Variants in OPCML observed in about 807,000 individuals in gnomAD.
The protein encoded by OPCML is opioid binding protein/cell adhesion molecule like, also known as opioid-binding protein/cell adhesion molecule.
OPCML carries 13 observed loss-of-function variants against 37.8 expected under a neutral mutation model. That is an observed-to-expected ratio of 0.34 (90% CI 0.22 to 0.55). OPCML has a LOEUF of 0.55. Ranked by LOEUF, OPCML falls within the 20% of genes least tolerant of loss-of-function variation. The probability of loss-of-function intolerance (pLI) is 0.91; values close to 1 mark genes in which losing one functional copy is unlikely to be tolerated. For synonymous variants in OPCML, 176 were observed against 168.8 expected, an observed-to-expected ratio of 1.04 and a Z score of -0.33; for missense variants, 341 against 435.6, an observed-to-expected ratio of 0.78 and a Z score of 1.93.
intron 2 of OPCML, among the ~76,000 whole-genome samples, chr11:132,938,255 G>A (rs1165643916): frequency 6.6e-6 from 1 of 152,016 alleles, no homozygotes; most frequent in Non-Finnish European, 1.5e-5. Context: ...AGCTCCAGGA[G>A]CCCCCAGACT....
chr11:132,981,012 G>A (rs536758457), intron 1 of OPCML, among the ~76,000 whole-genome samples: 5 of 152,286 alleles, frequency 3.3e-5, no homozygotes, highest in Admixed American at 6.5e-5. Context: ...ACTGAATACT[G>A]CAGGCAGGTG....
chr11:132,736,447 T>C (rs1029507682), intron 2 of OPCML, among the ~76,000 whole-genome samples: 1 of 152,220 alleles, frequency 6.6e-6, no homozygotes, highest in Non-Finnish European at 1.5e-5. Context: ...GAGGGTGAAC[T>C]GTGATGGCCA....
At chr11:132,500,320 G>A (rs2096242861) in intron 4 of OPCML, among the ~76,000 whole-genome samples, 2 of 152,178 alleles carry the variant, frequency 1.3e-5, no homozygotes, top group African/African-American at 4.8e-5. Context: ...GGTGGGACAT[G>A]AAATATATAA....
rs1274788251 is a variant in OPCML, at chr11:133,410,759, A to C, written c.61+121505T>G. ...TCTCCAAAATGGGCTTTAAAGAAAT[A>C]TATTTAAAATAAACCTCTAAAGCAG... On this transcript the variant is annotated intron_variant, in intron 1 of 7. Coordinates refer to ENST00000524381, the MANE Select transcript of OPCML (RefSeq NM_001012393.5). Among the ~76,000 whole-genome samples the C allele has an allele frequency of 4.6e-5, 7 of 151,566 alleles. No homozygotes were observed. In the South Asian group the frequency reaches 1.5e-3, roughly 32 times the overall value.
intron 3 of OPCML, among the ~76,000 whole-genome samples, chr11:132,605,893 A>C (rs372555230): frequency 1.3e-5 from 2 of 152,214 alleles, no homozygotes; most frequent in Non-Finnish European, 2.9e-5. Flanking sequence ...TGAGAAGAGC[A>C]AAGTCCATGG....
At chr11:132,711,307 G>A (rs1018952938) in intron 2 of OPCML, among the ~76,000 whole-genome samples, 3 of 152,126 alleles carry the variant, frequency 2.0e-5, no homozygotes, top group African/African-American at 7.2e-5. Flanking sequence ...TTGGCAAATG[G>A]AAAAAATGGA....
chr11:133,310,434 A>T (rs575953174), intron 1 of OPCML, among the ~76,000 whole-genome samples: 1 of 152,318 alleles, frequency 6.6e-6, no homozygotes, highest in Admixed American at 6.5e-5. Flanking sequence ...TTAGTTTAAA[A>T]ATCTAGGTAA....
At chr11:132,692,815 A>T (rs569238967) in intron 2 of OPCML, among the ~76,000 whole-genome samples, 1 of 152,354 alleles carries the variant, frequency 6.6e-6, no homozygotes, top group East Asian at 1.9e-4. Context: ...ATGCCAAAAT[A>T]AAAATTAAAA....
intron 4 of OPCML, among the ~76,000 whole-genome samples, chr11:132,481,949 T>A (rs2137021663): frequency 6.8e-6 from 1 of 147,542 alleles, no homozygotes; most frequent in African/African-American, 2.5e-5. Flanking sequence ...TAGCACTAAA[T>A]GCCCACAAGA....
chr11:132,888,622 G>A (rs149552315), intron 2 of OPCML, among the ~76,000 whole-genome samples: 131 of 152,206 alleles, frequency 8.6e-4, no homozygotes, highest in Non-Finnish European at 2.4e-4. Flanking sequence ...AAAGTTGTCT[G>A]TATTGTTCGT....
intron 1 of OPCML, among the ~76,000 whole-genome samples, chr11:133,055,601 C>A (rs973427474): frequency 2.1e-5 from 3 of 143,892 alleles, no homozygotes; most frequent in African/African-American, 7.8e-5. Flanking sequence ...CCGCCTCTAC[C>A]GTACAATGCT....
intron 2 of OPCML, among the ~76,000 whole-genome samples, chr11:132,728,514 A>G (rs968996725): frequency 6.6e-6 from 1 of 152,150 alleles, no homozygotes; most frequent in Non-Finnish European, 1.5e-5. Context: ...AATTGCTACT[A>G]ATTACTTTTC....
intron 7 of OPCML, 66 bp from the exon 8 acceptor site, chr11:132,420,359 C>T (rs536042001): frequency 7.6e-5 from 120 of 1,585,764 alleles, no homozygotes; most frequent in Non-Finnish European, 4.5e-5. Flanking sequence ...TCTTCCCTGA[C>T]AAGCAAATAC....
At chr11:132,862,166 AT>A (rs1942333576) in intron 2 of OPCML, among the ~76,000 whole-genome samples, 1 of 152,204 alleles carries the variant, frequency 6.6e-6, no homozygotes, top group Non-Finnish European at 1.5e-5. Context: ...GAAGAAAAAA[AT>A]ACCATGTATT....
At chr11:133,153,048 A>T (rs1203357372) in intron 1 of OPCML, among the ~76,000 whole-genome samples, 1 of 152,060 alleles carries the variant, frequency 6.6e-6, no homozygotes, top group Non-Finnish European at 1.5e-5. Context: ...TGCAGCCTGG[A>T]CCCTGGAAGG....
chr11:132,787,239 G>T (rs1429095155), intron 2 of OPCML, among the ~76,000 whole-genome samples: 1 of 152,240 alleles, frequency 6.6e-6, no homozygotes, highest in South Asian at 2.1e-4. Flanking sequence ...CAAATTCAAC[G>T]TGCTCATTAG....
chr11:133,479,897 G>T (rs1158680629), intron 1 of OPCML, among the ~76,000 whole-genome samples: 2 of 152,202 alleles, frequency 1.3e-5, no homozygotes, highest in African/African-American at 2.4e-5. Flanking sequence ...CCTTCGAAGA[G>T]CACTGATCTC....
intron 3 of OPCML, among the ~76,000 whole-genome samples, chr11:132,565,447 A>G (rs2096420265): frequency 6.6e-6 from 1 of 152,180 alleles, no homozygotes; most frequent in African/African-American, 2.4e-5. Flanking sequence ...ACTCCAGTGC[A>G]TGAATGGACC....
At chr11:132,742,322 T>A (rs1220741647) in intron 2 of OPCML, among the ~76,000 whole-genome samples, 1 of 152,214 alleles carries the variant, frequency 6.6e-6, no homozygotes, top group Non-Finnish European at 1.5e-5. Context: ...TGAGAAGTGA[T>A]GTGGTTTAGA....
Sources: allele counts gnomAD v4.1 joint callset (sites outside exome capture counted in the v4.1 genomes callset), GRCh38; gene constraint gnomAD v4.1.1; transcripts MANE v1.5; gene names NCBI Gene and HGNC (gene_info 2026-07-23, HGNC 2026-07-21).